TRAPPC11: variants seen among roughly 807,000 people sequenced by gnomAD.
TRAPPC11 encodes the protein foie gras homolog.
Under a neutral mutation model 151.2 loss-of-function variants are expected in TRAPPC11, and 104 were observed. That is an observed-to-expected ratio of 0.69 (90% CI 0.59 to 0.81). The LOEUF is 0.81. Among genes scored for constraint, TRAPPC11 ranks in the 30% least tolerant of loss-of-function variants. TRAPPC11 has a pLI of 0.00. For synonymous variants in TRAPPC11, 456 were observed against 472.3 expected (o/e 0.97, Z 0.45); for missense variants, 1,230 against 1,349.6 (o/e 0.91, Z 1.39).
rs761319831 is a variant in TRAPPC11, at chr4:183,684,684, GTCT to G, written c.1422-7_1422-5del. ...TGAAGCCGGTTCAGTATTACATTTTGTCTTCTTTGAGGTTGCTGGATTATGTGA... is the reference window on the plus strand; with the variant it reads ...TGAAGCCGGTTCAGTATTACATTTTGTCTTTGAGGTTGCTGGATTATGTGA... On this transcript the variant is annotated splice_polypyrimidine_tract_variant and intron_variant, in intron 14 of 29. Transcript: ENST00000334690. The G allele has an allele frequency of 3.7e-6, 6 of 1,613,080 alleles. No homozygotes were observed. The East Asian group carries it at 8.9e-5, about 24-fold the overall frequency.
intron 5 of TRAPPC11, among the ~76,000 whole-genome samples, chr4:183,668,381 A>C (rs536702101): frequency 6.6e-6 from 1 of 152,350 alleles, no homozygotes; most frequent in African/African-American, 2.4e-5. Flanking sequence ...ATTTCTTTAT[A>C]GTATCCATAC....
At chr4:183,682,461 G>A (rs1241875529) in intron 10 of TRAPPC11, among the ~76,000 whole-genome samples, 2 of 152,106 alleles carry the variant, frequency 1.3e-5, no homozygotes, top group Admixed American at 1.3e-4. Flanking sequence ...TATTTTTACT[G>A]GTTTATTAGA....
chr4:183,676,307 G>A (rs577074866), intron 7 of TRAPPC11, among the ~76,000 whole-genome samples: 2 of 152,012 alleles, frequency 1.3e-5, no homozygotes, highest in African/African-American at 2.4e-5. Context: ...CTGCCACCAC[G>A]CCCAGCTAAT....
chr4:183,682,732 G>C lies in TRAPPC11; in HGVS notation c.1114G>C (p.Ala372Pro), dbSNP rs372479687. Residue 372 changes from alanine to proline, a missense_variant and splice_region_variant, in exon 11 of 30, where the codon GCT becomes CCT. Physicochemically the swap from Ala to Pro is conservative, Grantham distance 27. Coordinates refer to ENST00000334690, the MANE Select transcript of TRAPPC11 (RefSeq NM_021942.6). Reference sequence around the variant, plus strand: ...TTTAGGTTTGTGTTTTAATTTACAGGCTTCTGTAATGTATCCCAATCCTGA... The same window carrying C: ...TTTAGGTTTGTGTTTTAATTTACAGCCTTCTGTAATGTATCCCAATCCTGA... ...QLAKTLCNHE[A>P]SVMYPNPDPL... 6 of 1,600,600 alleles carry C rather than the reference G, an allele frequency of 3.7e-6. No individual in the cohort carries two copies. Among genetic ancestry groups the C allele is most frequent in the Non-Finnish European group, 5.1e-6 (6 of 1,171,744 alleles).
chr4:183,665,596 T>C (rs1387416631), intron 2 of TRAPPC11, among the ~76,000 whole-genome samples: 1 of 152,234 alleles, frequency 6.6e-6, no homozygotes, highest in Non-Finnish European at 1.5e-5. Flanking sequence ...TGGATCACCA[T>C]GAAGTGGAGT....
intron 1 of TRAPPC11, among the ~76,000 whole-genome samples, chr4:183,662,030 C>G (rs1410526551): frequency 6.6e-6 from 1 of 152,052 alleles, no homozygotes; most frequent in Non-Finnish European, 1.5e-5. Flanking sequence ...TCCAAAAGTG[C>G]TGGGATTATA....
chr4:183,712,882 GTTA>G lies in TRAPPC11; in HGVS notation c.*241_*243del, dbSNP rs1487194802. The G allele has an allele frequency of 6.6e-6, 3 of 454,076 alleles. No homozygotes were observed. In the Admixed American group the frequency reaches 1.2e-4, roughly 18 times the overall value. 28.1% of individuals were successfully genotyped at this position (454,076 alleles called of 1,614,324 possible). ...CGACATGAAAGAATGTCAGACCATT[GTTA>G]TTGTTGAAAGTCATTTGATGAATGG... On this transcript the variant is annotated 3_prime_UTR_variant, in exon 30 of 30. Transcript: ENST00000334690.
intron 27 of TRAPPC11, 127 bp downstream of exon 27, chr4:183,705,197 G>C: frequency 1.7e-6 from 1 of 597,996 alleles, no homozygotes; most frequent in Non-Finnish European, 3.0e-6. Flanking sequence ...GTAGCTTATG[G>C]CCAGTCTTGC....
chr4:183,671,008 G>A (rs531567827), intron 5 of TRAPPC11, among the ~76,000 whole-genome samples: 1 of 152,154 alleles, frequency 6.6e-6, no homozygotes, highest in African/African-American at 2.4e-5. Flanking sequence ...GGGATTATAG[G>A]CGTGAGCCAC....
rs962908157 is a variant in TRAPPC11 at position 183,676,154 on chromosome 4, A to AT, written c.734+929dup. On this transcript the variant is annotated intron_variant, in intron 7 of 29. Transcript: ENST00000334690. ...CATATAACTGGCTTTAATGTAGTTC[A>AT]TTTTTTTTTTTTGAGACAGAGTTTT... Among the ~76,000 whole-genome samples the AT allele has an allele frequency of 4.4e-4, 64 of 145,850 alleles. 1 individual carries two copies. The highest frequency in any genetic ancestry group is 3.6e-3 in the Middle Eastern group (1 of 278).
At chr4:183,666,962 T>C in intron 3 of TRAPPC11, 98 bp from the exon 4 acceptor site, 3 of 989,010 alleles carry the variant, frequency 3.0e-6, no homozygotes, top group South Asian at 4.0e-5. Flanking sequence ...AGTTGAAATT[T>C]ATCTTCGGTT....
At chr4:183,696,879 T>A (rs2111076537) in intron 23 of TRAPPC11, among the ~76,000 whole-genome samples, 1 of 152,324 alleles carries the variant, frequency 6.6e-6, no homozygotes, top group Non-Finnish European at 1.5e-5. Context: ...ATTATTATTA[T>A]CTTTCTTATT....
chr4:183,668,226 CAT>C, intron 5 of TRAPPC11, 109 bp downstream of exon 5: 2 of 631,618 alleles, frequency 3.2e-6, no homozygotes, highest in Non-Finnish European at 5.5e-6. Context: ...GAAAAACATT[CAT>C]ATGATACAGA....
intron 18 of TRAPPC11, among the ~76,000 whole-genome samples, chr4:183,690,016 A>G (rs1736180796): frequency 6.6e-6 from 1 of 152,116 alleles, no homozygotes; most frequent in South Asian, 2.1e-4. Context: ...CAGCCTGGCC[A>G]ACATGGTGAA....
At position 183,680,213 on chromosome 4, in the gene TRAPPC11, A is replaced by G. The variant is rs1579182978; in HGVS notation, c.1059A>G (p.Ala353=). 6.2e-7 allele frequency: 1 copy of G among 1,614,110 alleles called. No individual in the cohort carries two copies. Among genetic ancestry groups the G allele is most frequent in the East Asian group, 2.2e-5 (1 of 44,854 alleles). The change falls in exon 10 of 30, where the codon GCA becomes GCG. Residue 353 remains alanine, a synonymous_variant. Coordinates refer to ENST00000334690, the MANE Select transcript of TRAPPC11 (RefSeq NM_021942.6). The part of the protein sequence containing the change: ...TQNPGFYYQQ[A]AYYAQERKQL... The stretch of plus-strand genomic sequence containing the variant: ...ATCCTGGTTTCTATTACCAGCAGGC[A>G]GCATACTATGCCCAGGAGCGGAAAC...
chr4:183,684,348 C>G lies in TRAPPC11; in HGVS notation c.1410C>G (p.Thr470=). 1 of 1,613,206 alleles carries G rather than the reference C, an allele frequency of 6.2e-7. No individual in the cohort carries two copies. Among genetic ancestry groups the G allele is most frequent in the Non-Finnish European group, 8.5e-7 (1 of 1,179,330 alleles). ...GEEYYYAKDY[T]KALKLLDYVM... ...AATATTATTACGCAAAGGATTATAC[C>G]AAAGCTTTGAAGTGAGTCCTGTTCA... The change falls in exon 14 of 30, where the codon ACC becomes ACG. Residue 470 remains threonine, a synonymous_variant. Transcript: ENST00000334690.
At chr4:183,670,614 T>C (rs1372508317) in intron 5 of TRAPPC11, among the ~76,000 whole-genome samples, 1 of 152,158 alleles carries the variant, frequency 6.6e-6, no homozygotes, top group Non-Finnish European at 1.5e-5. Context: ...TTTCTTTTCT[T>C]TTCATTTTTA....
chr4:183,678,661 G>C (rs916974339), intron 8 of TRAPPC11, among the ~76,000 whole-genome samples: 3 of 152,180 alleles, frequency 2.0e-5, no homozygotes, highest in Admixed American at 6.5e-5. Flanking sequence ...ACTTATCTGT[G>C]TGTAGAATAT....
intron 1 of TRAPPC11, among the ~76,000 whole-genome samples, chr4:183,661,757 C>CTTTTTTTTTTTT (rs562308106): frequency 1.0e-5 from 1 of 100,108 alleles, no homozygotes. Flanking sequence ...TTTGGAATAA[C>CTTTTTTTTTTTT]TTTTTTTTTT....
Sources: allele counts gnomAD v4.1 joint callset (sites outside exome capture counted in the v4.1 genomes callset), GRCh38; gene constraint gnomAD v4.1.1; transcripts MANE v1.5; gene names NCBI Gene and HGNC (gene_info 2026-07-23, HGNC 2026-07-21).